The following DCDC1 variants were observed in gnomAD, a reference collection of about 807,000 sequenced individuals.
DCDC1 encodes the protein doublecortin domain containing 1.
In DCDC1, 200 loss-of-function variants were observed where a neutral mutation model predicts 178.3. That is an observed-to-expected ratio of 1.12 (90% CI 1.00 to 1.26). The LOEUF is 1.26. Among genes scored for constraint, DCDC1 ranks in the 50% most tolerant of loss-of-function variants. DCDC1 has a pLI of 0.00. For missense variants in DCDC1, 1,983 were observed against 1,749.2 expected, an observed-to-expected ratio of 1.13 and a Z score of -2.38; for synonymous variants, 690 against 604.8, an observed-to-expected ratio of 1.14 and a Z score of -2.07.
At chr11:31,369,245 A>C (rs1324598083) in intron 1 of DCDC1, among the ~76,000 whole-genome samples, 1 of 152,162 alleles carries the variant, frequency 6.6e-6, no homozygotes. Flanking sequence ...GCAAATGTGA[A>C]AGAATTTTGG....
intron 2 of DCDC1, among the ~76,000 whole-genome samples, chr11:31,328,814 A>AAAAAAAAAAAAAGGATT (rs1949790826): frequency 2.0e-5 from 3 of 149,450 alleles, no homozygotes; most frequent in African/African-American, 7.5e-5. Context: ...ACATCTCAAA[A>AAAAAAAAAAAAAGGATT]AAAAAAAAAA....
chr11:31,091,193 A>G (rs1396497500), intron 17 of DCDC1, among the ~76,000 whole-genome samples, 200 bp downstream of exon 17: 2 of 152,194 alleles, frequency 1.3e-5, no homozygotes, highest in African/African-American at 4.8e-5. Context: ...CACCTTTTAA[A>G]TATCTTTAAA....
chr11:31,171,086 C>T (rs1454713026), intron 9 of DCDC1, among the ~76,000 whole-genome samples: 1 of 152,112 alleles, frequency 6.6e-6, no homozygotes, highest in Non-Finnish European at 1.5e-5. Context: ...CCTTGGCCTC[C>T]CAAAGTGCTG....
chr11:31,216,352 G>A (rs12281320), intron 9 of DCDC1, among the ~76,000 whole-genome samples: 1,974 of 152,196 alleles, frequency 0.013, 39 homozygotes, highest in African/African-American at 0.045. Context: ...GTAAATTTAT[G>A]CTGTAAAAGC....
intron 31 of DCDC1, 53 bp from the exon 32 acceptor site, chr11:30,903,736 A>G: frequency 6.4e-6 from 9 of 1,397,482 alleles, no homozygotes; most frequent in Non-Finnish European, 8.6e-6. Context: ...AGCATTGGGA[A>G]TGATCATTAA....
intron 20 of DCDC1, among the ~76,000 whole-genome samples, chr11:31,043,344 G>C (rs984387347): frequency 2.0e-5 from 3 of 152,142 alleles, no homozygotes; most frequent in Non-Finnish European, 4.4e-5. Context: ...TGAAATCTGA[G>C]AAAGTTTAAG....
At chr11:30,993,356 A>C (rs758230035) in intron 20 of DCDC1, among the ~76,000 whole-genome samples, 3 of 152,204 alleles carry the variant, frequency 2.0e-5, no homozygotes, top group Middle Eastern at 3.4e-3. Context: ...AACAGCATTA[A>C]ATTTTATATT....
intron 20 of DCDC1, among the ~76,000 whole-genome samples, chr11:31,035,780 A>G (rs1318059914): frequency 1.3e-5 from 2 of 152,248 alleles, no homozygotes; most frequent in Non-Finnish European, 2.9e-5. Context: ...GCTTACAGCA[A>G]TTATTGTTAT....
intron 21 of DCDC1, chr11:30,943,846 C>A (rs1947827164): frequency 1.0e-5 from 3 of 299,404 alleles, no homozygotes; most frequent in South Asian, 9.3e-5. Flanking sequence ...AGCATGAAAT[C>A]AGTTCTCAAA....
chr11:30,993,438 T>C (rs1951091582), intron 20 of DCDC1, among the ~76,000 whole-genome samples: 1 of 151,858 alleles, frequency 6.6e-6, no homozygotes, highest in Non-Finnish European at 1.5e-5. Context: ...AGAAGCAAAT[T>C]AAGCATCAAG....
At chr11:31,193,609 G>A (rs1970365325) in intron 9 of DCDC1, among the ~76,000 whole-genome samples, 1 of 152,058 alleles carries the variant, frequency 6.6e-6, no homozygotes. Flanking sequence ...CATTAACAGA[G>A]TGATTGACTC....
At chr11:31,364,762 C>T (rs1260124641) in intron 1 of DCDC1, among the ~76,000 whole-genome samples, 1 of 151,472 alleles carries the variant, frequency 6.6e-6, no homozygotes, top group Non-Finnish European at 1.5e-5. Flanking sequence ...AAATGAAAAC[C>T]ATTTCTAAAA....
At chr11:30,912,870 TAA>T (rs1327650504) in intron 27 of DCDC1, among the ~76,000 whole-genome samples, 1 of 152,158 alleles carries the variant, frequency 6.6e-6, no homozygotes, top group African/African-American at 2.4e-5. Flanking sequence ...ATATGGAGGA[TAA>T]AAAGACTGTG....
intron 9 of DCDC1, among the ~76,000 whole-genome samples, chr11:31,181,853 A>G (rs1178760419): frequency 1.3e-5 from 2 of 152,206 alleles, no homozygotes; most frequent in African/African-American, 4.8e-5. Flanking sequence ...AAAAAAGGTT[A>G]GACAAATTGC....
chr11:30,975,584 G>A (rs1016034635), intron 20 of DCDC1, among the ~76,000 whole-genome samples: 1 of 151,916 alleles, frequency 6.6e-6, no homozygotes, highest in Non-Finnish European at 1.5e-5. Flanking sequence ...TGAACTAGCT[G>A]AGAAAGAAAT....
intron 9 of DCDC1, among the ~76,000 whole-genome samples, chr11:31,153,939 C>T (rs1416786629): frequency 6.6e-5 from 10 of 152,092 alleles, no homozygotes; most frequent in African/African-American, 2.4e-4. Flanking sequence ...TATGGTTTGG[C>T]TCTGTGTCCA....
chr11:31,169,504 C>T (rs1342727726), intron 9 of DCDC1, among the ~76,000 whole-genome samples: 1 of 152,160 alleles, frequency 6.6e-6, no homozygotes, highest in Non-Finnish European at 1.5e-5. Context: ...AGGCTCTTTC[C>T]TCAGGTTCTA....
chr11:31,228,291 T>C (rs921555718), intron 9 of DCDC1, among the ~76,000 whole-genome samples: 3 of 151,932 alleles, frequency 2.0e-5, no homozygotes, highest in Non-Finnish European at 4.4e-5. Context: ...CCAAAAATAA[T>C]GGCAAATTAA....
At chr11:31,059,381 A>G (rs896792942) in intron 20 of DCDC1, among the ~76,000 whole-genome samples, 1 of 152,096 alleles carries the variant, frequency 6.6e-6, no homozygotes, top group Non-Finnish European at 1.5e-5. Flanking sequence ...ATCAAAAAAC[A>G]AAATTATACC....
Sources: gnomAD v4.1 joint callset for allele counts (sites outside exome capture counted in the v4.1 genomes callset) on GRCh38, gnomAD v4.1.1 for gene constraint, MANE v1.5 for transcripts, NCBI Gene and HGNC (gene_info 2026-07-23, HGNC 2026-07-21) for gene names.